Variants in SLC24A3 observed in about 807,000 individuals in gnomAD.
The protein encoded by SLC24A3 is sodium/potassium/calcium exchanger 3.
SLC24A3 carries 28 observed loss-of-function variants against 75.8 expected under a neutral mutation model. The ratio of observed to expected loss-of-function variants is 0.37; its 90% confidence interval spans 0.27 to 0.51. The LOEUF (loss-of-function observed/expected upper bound fraction) is 0.51. Among genes scored for constraint, SLC24A3 ranks in the 20% least tolerant of loss-of-function variants. The pLI, the probability that SLC24A3 is intolerant of heterozygous loss-of-function variation, is 0.94. For synonymous variants in SLC24A3, 372 were observed against 334.1 expected, an observed-to-expected ratio of 1.11 and a Z score of -1.24; for missense variants, 663 against 847.8, an observed-to-expected ratio of 0.78 and a Z score of 2.71.
chr20:19,281,221 GA>G, intron 2 of SLC24A3, 134 bp downstream of exon 2: 1 of 1,326,734 alleles, frequency 7.5e-7, no homozygotes, highest in Non-Finnish European at 1.0e-6. Flanking sequence ...GGGAGTCTAA[GA>G]AACTTTCAGG....
chr20:19,597,228 A>T (rs569370300), intron 6 of SLC24A3, among the ~76,000 whole-genome samples: 1 of 152,204 alleles, frequency 6.6e-6, no homozygotes, highest in South Asian at 2.1e-4. Flanking sequence ...TTCTAAAAAA[A>T]GTTTAAGAAT....
intron 2 of SLC24A3, among the ~76,000 whole-genome samples, chr20:19,293,412 T>C (rs6112295): frequency 0.06 from 9,052 of 151,912 alleles, 598 homozygotes; most frequent in African/African-American, 0.17. Context: ...TCCCAGCATT[T>C]TGGGAGGCTG....
chr20:19,420,551 A>T (rs1986900681), intron 2 of SLC24A3, among the ~76,000 whole-genome samples: 1 of 146,172 alleles, frequency 6.8e-6, no homozygotes, highest in Admixed American at 6.9e-5. Flanking sequence ...TTCCATGCTC[A>T]TGGGTAGGAA....
Position 19,279,515 on chromosome 20 carries a change from A to T in SLC24A3, c.143-1444A>T, listed in dbSNP as rs532882376. Among the ~76,000 whole-genome samples the T allele has an allele frequency of 7.9e-5, 12 of 152,130 alleles. No homozygotes were observed. The South Asian group carries it at 2.1e-3, about 26-fold the overall frequency. On this transcript the variant is annotated intron_variant, in intron 1 of 16. Transcript: ENST00000328041. ...TGTTGGCTACACCTTCCTTCCTGAA[A>T]TTCTCTTTCTGCTTACCTTCCACGA...
chr20:19,415,525 G>C (rs1256355605), intron 2 of SLC24A3, among the ~76,000 whole-genome samples: 1 of 152,012 alleles, frequency 6.6e-6, no homozygotes, highest in Non-Finnish European at 1.5e-5. Context: ...AGTATTCTAA[G>C]TTCCACTGTT....
chr20:19,229,951 G>A (rs976543639), intron 1 of SLC24A3, among the ~76,000 whole-genome samples: 9 of 151,040 alleles, frequency 6.0e-5, no homozygotes. Flanking sequence ...GACTCCCCTT[G>A]TAATCTTAGC....
chr20:19,326,883 T>C (rs1446745980), intron 2 of SLC24A3, among the ~76,000 whole-genome samples: 1 of 152,196 alleles, frequency 6.6e-6, no homozygotes, highest in Non-Finnish European at 1.5e-5. Context: ...CAAAGCTTGT[T>C]TCCTTTGTTT....
intron 1 of SLC24A3, among the ~76,000 whole-genome samples, chr20:19,273,887 T>A (rs1213370972): frequency 2.0e-5 from 3 of 151,198 alleles, no homozygotes; most frequent in Non-Finnish European, 4.4e-5. Flanking sequence ...ATCACAGGCA[T>A]CACCTCTTAA....
chr20:19,333,642 AGT>A (rs1162457740), intron 2 of SLC24A3, among the ~76,000 whole-genome samples: 4 of 119,448 alleles, frequency 3.3e-5, no homozygotes, highest in South Asian at 5.5e-4. Flanking sequence ...TGTGTGTGTG[AGT>A]GTGTGTGTGT....
At chr20:19,260,379 CT>C (rs1982945484) in intron 1 of SLC24A3, among the ~76,000 whole-genome samples, 1 of 152,188 alleles carries the variant, frequency 6.6e-6, no homozygotes, top group African/African-American at 2.4e-5. Flanking sequence ...AAAGAAAGTA[CT>C]CAAAACCATG....
chr20:19,248,264 G>T (rs556858379), intron 1 of SLC24A3, among the ~76,000 whole-genome samples: 118 of 152,310 alleles, frequency 7.7e-4, no homozygotes, highest in African/African-American at 2.8e-3. Flanking sequence ...CTTTCAAAGA[G>T]AATTCTGTGT....
At chr20:19,497,774 T>C (rs975965933) in intron 2 of SLC24A3, among the ~76,000 whole-genome samples, 2 of 152,256 alleles carry the variant, frequency 1.3e-5, no homozygotes, top group East Asian at 1.9e-4. Flanking sequence ...GGAAAGAGCA[T>C]GCAATGGGAA....
intron 2 of SLC24A3, among the ~76,000 whole-genome samples, chr20:19,492,267 G>A (rs1988220372): frequency 1.3e-5 from 2 of 152,156 alleles, no homozygotes; most frequent in Admixed American, 1.3e-4. Context: ...TAAAAGCCTG[G>A]GCTCTGGAGT....
intron 2 of SLC24A3, among the ~76,000 whole-genome samples, chr20:19,379,706 C>G (rs1312202374): frequency 6.6e-6 from 1 of 152,140 alleles, no homozygotes; most frequent in African/African-American, 2.4e-5. Context: ...TACAAGCCTC[C>G]CCTCCTCCCT....
chr20:19,276,893 C>G (rs1423886439), intron 1 of SLC24A3, among the ~76,000 whole-genome samples: 1 of 150,610 alleles, frequency 6.6e-6, no homozygotes, highest in Non-Finnish European at 1.5e-5. Context: ...GACCATGTCT[C>G]TAATTAAAAA....
intron 2 of SLC24A3, among the ~76,000 whole-genome samples, chr20:19,437,714 C>T (rs1321262441): frequency 6.6e-6 from 1 of 152,170 alleles, no homozygotes; most frequent in East Asian, 1.9e-4. Flanking sequence ...TTCTCTATAG[C>T]AAACCCACGT....
At chr20:19,346,914 A>G (rs1379242576) in intron 2 of SLC24A3, among the ~76,000 whole-genome samples, 1 of 152,236 alleles carries the variant, frequency 6.6e-6, no homozygotes. Context: ...CAGTAAAAGA[A>G]TAAACAAATA....
intron 3 of SLC24A3, among the ~76,000 whole-genome samples, chr20:19,531,187 A>G (rs1401145428): frequency 6.6e-6 from 1 of 152,102 alleles, no homozygotes; most frequent in Non-Finnish European, 1.5e-5. Flanking sequence ...CCAGGTTAAC[A>G]GGCCACTGGT....
intron 2 of SLC24A3, among the ~76,000 whole-genome samples, chr20:19,429,731 G>A (rs143445531): frequency 4.9e-4 from 74 of 152,210 alleles, no homozygotes; most frequent in African/African-American, 1.7e-3. Flanking sequence ...ATCCGAGAGG[G>A]CCATAAATCT....
Sources: gnomAD v4.1 joint callset for allele counts (sites outside exome capture counted in the v4.1 genomes callset) on GRCh38, gnomAD v4.1.1 for gene constraint, MANE v1.5 for transcripts, NCBI Gene and HGNC (gene_info 2026-07-23, HGNC 2026-07-21) for gene names.